Variants in POU2F1 observed in about 807,000 individuals in gnomAD.
The protein encoded by POU2F1 is POU domain, class 2, transcription factor 1.
A neutral mutation model predicts 84.9 loss-of-function variants in POU2F1; 16 were observed. The ratio of observed to expected loss-of-function variants is 0.19; its 90% confidence interval spans 0.13 to 0.29. The LOEUF is 0.29. Ranked by LOEUF, POU2F1 falls within the 10% of genes least tolerant of loss-of-function variation. POU2F1 has a pLI of 1.00. For synonymous variants in POU2F1, 368 were observed against 368.3 expected (o/e 1.00, Z 0.01); for missense variants, 738 against 942.6 (o/e 0.78, Z 2.84).
At position 167,401,661 on chromosome 1, in the gene POU2F1, T is replaced by C. The variant is rs568737760; in HGVS notation, c.1555+105T>C. On this transcript the variant is annotated intron_variant, in intron 13 of 15. Coordinates refer to ENST00000367866, the MANE Select transcript of POU2F1 (RefSeq NM_002697.4). ...TGTGAATTAAGGCCCTAACTAAAGA[T>C]AGGTGTTGCTCATAAATATCAATTT... 2.9e-5 allele frequency: 17 copies of C among 581,548 alleles called. No individual in the cohort carries two copies. The East Asian group carries it at 4.8e-4, about 16-fold the overall frequency. 36.0% of individuals were successfully genotyped at this position (581,548 alleles called of 1,614,324 possible).
intron 2 of POU2F1, among the ~76,000 whole-genome samples, chr1:167,341,485 G>C (rs1308706897): frequency 4.6e-5 from 7 of 151,898 alleles, no homozygotes; most frequent in Admixed American, 2.0e-4. Flanking sequence ...TTTTTCATTT[G>C]AATTGAAAGG....
At chr1:167,360,386 C>T (rs1322067188) in intron 2 of POU2F1, among the ~76,000 whole-genome samples, 1 of 152,076 alleles carries the variant, frequency 6.6e-6, no homozygotes, top group African/African-American at 2.4e-5. Context: ...TATAGTGAGA[C>T]GTAGCGGTCC....
At chr1:167,221,431 G>A (rs1343651316) in intron 1 of POU2F1, among the ~76,000 whole-genome samples, 2 of 149,594 alleles carry the variant, frequency 1.3e-5, no homozygotes, top group Non-Finnish European at 3.0e-5. Context: ...GGCCGGGCGG[G>A]CGCGGGGTGG....
At chr1:167,221,098 G>T in intron 1 of POU2F1, 140 bp downstream of exon 1, 2 of 833,998 alleles carry the variant, frequency 2.4e-6, no homozygotes, top group Non-Finnish European at 3.7e-6. Flanking sequence ...GGGGAGCATT[G>T]AGCCCCCGCC....
intron 1 of POU2F1, among the ~76,000 whole-genome samples, chr1:167,314,180 A>G (rs1426575088): frequency 6.6e-6 from 1 of 151,292 alleles, no homozygotes; most frequent in African/African-American, 2.4e-5. Flanking sequence ...CCTGGGCAAC[A>G]GAGCAAGACT....
intron 8 of POU2F1, 53 bp downstream of exon 8, chr1:167,384,004 C>A: frequency 7.2e-7 from 1 of 1,398,516 alleles, no homozygotes; most frequent in Non-Finnish European, 9.6e-7. Context: ...TTTGGGGAGA[C>A]TTTTGGACTT....
Position 167,376,938 on chromosome 1 carries a change from C to T in POU2F1, c.718+783C>T, listed in dbSNP as rs1040674299. On this transcript the variant is annotated intron_variant, in intron 7 of 15. Coordinates refer to ENST00000367866, the MANE Select transcript of POU2F1 (RefSeq NM_002697.4). ...CCTAAATTATGTTAGATTTGATATGCACACAATGCTATGGGAACCAAGCAA... is the reference window on the plus strand; with the variant it reads ...CCTAAATTATGTTAGATTTGATATGTACACAATGCTATGGGAACCAAGCAA... Among the ~76,000 whole-genome samples, 5 of 152,260 alleles carry T rather than the reference C, an allele frequency of 3.3e-5. No homozygotes were observed. In the South Asian group the frequency reaches 1.0e-3, roughly 32 times the overall value.
rs535543827 is a variant in POU2F1 at position 167,345,577 on chromosome 1, G to A, written c.127+13042G>A. Among the ~76,000 whole-genome samples the A allele has an allele frequency of 2.3e-4, 35 of 152,302 alleles. 1 individual carries two copies. Among genetic ancestry groups the A allele is most frequent in the Non-Finnish European group, 3.4e-4 (23 of 68,030 alleles). On this transcript the variant is annotated intron_variant, in intron 2 of 15. Transcript: ENST00000367866. ...GGTAAAGAGCATTCATTGTGTTTCT[G>A]AGGAAGGCAGGAAGCTGCTACCGTT...
intron 1 of POU2F1, among the ~76,000 whole-genome samples, chr1:167,327,451 A>G (rs1471268669): frequency 6.6e-6 from 1 of 152,228 alleles, no homozygotes; most frequent in Non-Finnish European, 1.5e-5. Flanking sequence ...GGTAATGCAG[A>G]GTGCTGATCC....
At chr1:167,269,953 A>G (rs1652251680) in intron 1 of POU2F1, among the ~76,000 whole-genome samples, 1 of 151,872 alleles carries the variant, frequency 6.6e-6, no homozygotes. Context: ...ACTTAGGACA[A>G]CGTATGTTTT....
chr1:167,371,782 AAAAG>A (rs1403862750), intron 4 of POU2F1, 131 bp from the exon 5 acceptor site: 4 of 1,210,244 alleles, frequency 3.3e-6, no homozygotes, highest in African/African-American at 3.1e-5. Context: ...AAATACAAAT[AAAAG>A]AAAGGAGGTA....
At chr1:167,279,164 A>G (rs1041849867) in intron 1 of POU2F1, among the ~76,000 whole-genome samples, 5 of 152,236 alleles carry the variant, frequency 3.3e-5, no homozygotes, top group Admixed American at 2.0e-4. Context: ...ATGCAGAATC[A>G]TGGGTAGTGG....
chr1:167,253,740 T>G (rs1319651273), intron 1 of POU2F1, among the ~76,000 whole-genome samples: 1 of 152,074 alleles, frequency 6.6e-6, no homozygotes, highest in African/African-American at 2.4e-5. Context: ...ATTTTTTATT[T>G]TTTAAGAAAG....
chr1:167,240,862 G>A (rs943762478), intron 1 of POU2F1, among the ~76,000 whole-genome samples: 26 of 152,142 alleles, frequency 1.7e-4, no homozygotes, highest in Admixed American at 1.7e-3. Flanking sequence ...ATCTGAAAAG[G>A]CCGGGCGCGG....
At chr1:167,398,286 A>G (rs1225146180) in intron 11 of POU2F1, among the ~76,000 whole-genome samples, 153 bp downstream of exon 11, 1 of 152,254 alleles carries the variant, frequency 6.6e-6, no homozygotes, top group Non-Finnish European at 1.5e-5. Flanking sequence ...TTACTAACAT[A>G]GGAGACAGAA....
chr1:167,273,343 G>C (rs1321115841), intron 1 of POU2F1, among the ~76,000 whole-genome samples: 1 of 152,210 alleles, frequency 6.6e-6, no homozygotes, highest in African/African-American at 2.4e-5. Flanking sequence ...TCTTGTCACA[G>C]CTCCAGTAGG....
At chr1:167,242,631 C>T (rs1649995277) in intron 1 of POU2F1, among the ~76,000 whole-genome samples, 1 of 152,166 alleles carries the variant, frequency 6.6e-6, no homozygotes, top group Non-Finnish European at 1.5e-5. Context: ...TACCTATTTA[C>T]CTTTTATGTG....
intron 1 of POU2F1, among the ~76,000 whole-genome samples, chr1:167,299,327 T>TA (rs1238717151): frequency 2.6e-5 from 4 of 152,116 alleles, no homozygotes; most frequent in South Asian, 2.1e-4. Flanking sequence ...GTATGTTTTT[T>TA]AAAAAAATCT....
chr1:167,343,411 T>A (rs1657985712), intron 2 of POU2F1, among the ~76,000 whole-genome samples: 1 of 152,272 alleles, frequency 6.6e-6, no homozygotes, highest in South Asian at 2.1e-4. Context: ...AGAGATTGTC[T>A]ATAATTTTCT....
Sources: gnomAD v4.1 joint callset for allele counts (sites outside exome capture counted in the v4.1 genomes callset) on GRCh38, gnomAD v4.1.1 for gene constraint, MANE v1.5 for transcripts, NCBI Gene and HGNC (gene_info 2026-07-23, HGNC 2026-07-21) for gene names.